The following CZIB variants were observed in gnomAD, a reference collection of about 807,000 sequenced individuals.
CZIB encodes CXXC motif containing zinc binding protein.
A neutral mutation model predicts 28.3 loss-of-function variants in CZIB; 26 were observed. That is an observed-to-expected ratio of 0.92 (90% CI 0.67 to 1.27). CZIB has a LOEUF of 1.27. Among genes scored for constraint, CZIB ranks in the 50% most tolerant of loss-of-function variants. The pLI is 0.00. For synonymous variants in CZIB, 78 were observed against 71.1 expected (o/e 1.10, Z -0.49); for missense variants, 179 against 197.3 (o/e 0.91, Z 0.56).
chr1:53,218,552 G>C, intron 3 of CZIB, 57 bp from the exon 4 acceptor site: 1 of 1,540,870 alleles, frequency 6.5e-7, no homozygotes, highest in Non-Finnish European at 8.9e-7. Context: ...ACAGTCCTGA[G>C]GAGATCGAGC....
chr1:53,219,920 A>G (rs1376039282), intron 2 of CZIB: 2 of 268,252 alleles, frequency 7.5e-6, no homozygotes, highest in African/African-American at 4.5e-5. Flanking sequence ...AAATTAAACT[A>G]TTTCACAATA....
In CZIB at chr1:53,220,327, G is replaced by A. The variant is rs757148501; in HGVS notation, c.24C>T (p.Leu8=). Residue 8 remains leucine (L), a synonymous_variant, in exon 2 of 8, where the codon CTC becomes CTT. Coordinates refer to ENST00000294360, the MANE Select transcript of CZIB (RefSeq NM_017887.3). MGKIALQ[L]KATLENITNL... is the part of the protein sequence containing the mutation. Reference sequence around the variant, plus strand: ...TGGTGATGTTCTCCAGCGTGGCTTTGAGTTGCAGCGCGATTTTCTGAGGGG... The same window carrying A: ...TGGTGATGTTCTCCAGCGTGGCTTTAAGTTGCAGCGCGATTTTCTGAGGGG... 6.2e-7 allele frequency: 1 copy of A among 1,613,232 alleles called. No homozygotes were observed. The highest frequency in any genetic ancestry group is 1.3e-5 in the African/African-American group (1 of 75,058).
intron 5 of CZIB, chr1:53,217,113 T>A: frequency 2.3e-6 from 1 of 432,312 alleles, no homozygotes; most frequent in South Asian, 3.1e-5. Context: ...TAAGGTAAGC[T>A]CTGCCTATCT....
intron 3 of CZIB, 45 bp from the exon 4 acceptor site, chr1:53,218,540 G>A (rs775112921): frequency 1.9e-6 from 3 of 1,580,738 alleles, no homozygotes; most frequent in Non-Finnish European, 8.7e-7. Context: ...TGAATTAGAT[G>A]TACAGTCCTG....
intron 6 of CZIB, 42 bp downstream of exon 6, chr1:53,216,740 C>T: frequency 1.3e-6 from 2 of 1,570,042 alleles, no homozygotes; most frequent in East Asian, 2.2e-5. Context: ...TCATACATCC[C>T]CTCCCCAAAG....
At chr1:53,218,545 G>C (rs1328232573) in intron 3 of CZIB, 50 bp from the exon 4 acceptor site, 1 of 1,562,256 alleles carries the variant, frequency 6.4e-7, no homozygotes, top group Non-Finnish European at 8.8e-7. Context: ...TAGATGTACA[G>C]TCCTGAGGAG....
rs1553170134 is a variant in CZIB, at chr1:53,214,365, C to CCAT, written c.*291_*293dup. 2.1e-5 allele frequency: 7 copies of CCAT among 340,236 alleles called. No homozygotes were observed. Among genetic ancestry groups the CCAT allele is most frequent in the Non-Finnish European group, 3.8e-5 (7 of 183,006 alleles). The allele number at this position is 340,236 out of a possible 1,614,324, so 21.1% of individuals were successfully genotyped here. On this transcript the variant is annotated 3_prime_UTR_variant, in exon 8 of 8. Transcript: ENST00000294360. Reference sequence around the variant, plus strand: ...AAACTTGCCCTTGACTGGGGAGATACCATCTCCTTAAAAATACTCTTCATT... The same window carrying CCAT: ...AAACTTGCCCTTGACTGGGGAGATACCATCATCTCCTTAAAAATACTCTTCATT...
chr1:53,220,130 TTC>T (rs560785820), intron 2 of CZIB, 129 bp downstream of exon 2: 51 of 788,380 alleles, frequency 6.5e-5, no homozygotes, highest in Non-Finnish European at 9.7e-5. Flanking sequence ...AAACGTAAAA[TTC>T]TAACTAGGAA....
At chr1:53,220,388 A>G (rs1335676527) in intron 1 of CZIB, 44 bp from the exon 2 acceptor site, 1 of 1,601,414 alleles carries the variant, frequency 6.2e-7, no homozygotes, top group African/African-American at 1.3e-5. Context: ...GTGCCTGCGC[A>G]GCCCCACGCC....
chr1:53,220,576 G>C lies in CZIB; in HGVS notation c.-1C>G. 6.3e-7 allele frequency: 1 copy of C among 1,598,376 alleles called. No individual in the cohort carries two copies. The highest frequency in any genetic ancestry group is 1.1e-5 in the South Asian group (1 of 90,920). On this transcript the variant is annotated 5_prime_UTR_variant, in exon 1 of 8. Coordinates refer to ENST00000294360, the MANE Select transcript of CZIB (RefSeq NM_017887.3). ...GCGGGCGGCCTCCCCTCACCCCCAT[G>C]GTAGCCCTCTCCGCCCGGTGCTGGC...
At chr1:53,217,191 A>C (rs1479718407) in intron 5 of CZIB, 1 of 261,258 alleles carries the variant, frequency 3.8e-6, no homozygotes, top group Non-Finnish European at 7.5e-6. Context: ...TTTTACTGTC[A>C]GATTTTGAAA....
Position 53,220,165 on chromosome 1 carries a change from T to C in CZIB, c.90+96A>G. The C allele has an allele frequency of 2.8e-6, 3 of 1,085,534 alleles. No individual in the cohort carries two copies. In the South Asian group the frequency reaches 4.4e-5, roughly 16 times the overall value. The allele number at this position is 1,085,534 out of a possible 1,614,324, so 67.2% of individuals were successfully genotyped here. A position where few individuals can be genotyped will look rare whatever the true frequency, so the allele number is the denominator to read the frequency against. ...GAAAACCCCGAACACTTAATGTGCC[T>C]GGTTAAATATTTTCTCATACTGCCG... On this transcript the variant is annotated intron_variant, in intron 2 of 7. Coordinates refer to ENST00000294360, the MANE Select transcript of CZIB (RefSeq NM_017887.3).
chr1:53,220,583 C>T lies in CZIB; in HGVS notation c.-8G>A, dbSNP rs771381380. 5.0e-5 allele frequency: 80 copies of T among 1,597,850 alleles called. No individual in the cohort carries two copies. The highest frequency in any genetic ancestry group is 6.5e-5 in the Non-Finnish European group (77 of 1,179,220). On this transcript the variant is annotated 5_prime_UTR_variant, in exon 1 of 8. Transcript: ENST00000294360. ...GCCTCCCCTCACCCCCATGGTAGCC[C>T]TCTCCGCCCGGTGCTGGCTGCGGCC...
chr1:53,218,533 A>G, intron 3 of CZIB, 38 bp from the exon 4 acceptor site: 3 of 1,596,610 alleles, frequency 1.9e-6, no homozygotes, highest in Non-Finnish European at 2.6e-6. Flanking sequence ...TCACATATGA[A>G]TTAGATGTAC....
In CZIB at chr1:53,218,487, C is replaced by A; in HGVS notation, c.156G>T (p.Val52=). ...CACTGCCACGGCCCCCCTTCAGTGC[C>A]ACACTGTCCTGGCAAAAAGCAAACA... The part of the protein sequence containing the change: ...KWQYIRLMDS[V]ALKGGRGSAS... The change falls in exon 4 of 8, where the codon GTG becomes GTT. Residue 52 remains valine (V), a synonymous_variant. Coordinates refer to ENST00000294360, the MANE Select transcript of CZIB (RefSeq NM_017887.3). 1 of 1,614,138 alleles carries A rather than the reference C, an allele frequency of 6.2e-7. No individual in the cohort carries two copies. Among genetic ancestry groups the A allele is most frequent in the Non-Finnish European group, 8.5e-7 (1 of 1,180,006 alleles).
At position 53,220,554 on chromosome 1, in the gene CZIB, G is replaced by C. The variant is rs1353903508; in HGVS notation, c.6+16C>G. 2 of 1,599,460 alleles carry C rather than the reference G, an allele frequency of 1.3e-6. No individual in the cohort carries two copies. Among genetic ancestry groups the C allele is most frequent in the Admixed American group, 1.7e-5 (1 of 59,956 alleles). The stretch of plus-strand genomic sequence containing the variant: ...ACCTCCCCTCCGTGTCCCCGCGGCG[G>C]GCGGCCTCCCCTCACCCCCATGGTA... On this transcript the variant is annotated intron_variant, in intron 1 of 7. Coordinates refer to ENST00000294360, the MANE Select transcript of CZIB (RefSeq NM_017887.3).
Position 53,218,445 on chromosome 1 carries a change from C to T in CZIB, c.198G>A (p.Lys66=), listed in dbSNP as rs1195984172. The change falls in exon 4 of 8, where the codon AAG becomes AAA. Residue 66 remains lysine (K), a synonymous_variant. Coordinates refer to ENST00000294360, the MANE Select transcript of CZIB (RefSeq NM_017887.3). ...AATTTTCTCTTGCACACAGCTTGCA[C>T]TTCTGGACCATGGAAGCACTGCCAC... is the stretch of plus-strand genomic sequence containing the variant. ...GGRGSASMVQ[K]CKLCARENSI... 6.2e-7 allele frequency: 1 copy of T among 1,614,094 alleles called. No individual in the cohort carries two copies. The highest frequency in any genetic ancestry group is 1.3e-5 in the African/African-American group (1 of 74,928).
intron 1 of CZIB, 101 bp from the exon 2 acceptor site, chr1:53,220,445 C>G: frequency 6.4e-7 from 1 of 1,567,488 alleles, no homozygotes; most frequent in African/African-American, 1.3e-5. Context: ...CAGGGAGACA[C>G]TCCTTCTGCC....
rs760485492 is a variant in CZIB at position 53,220,558 on chromosome 1, G to A, written c.6+12C>T. 5.0e-6 allele frequency: 8 copies of A among 1,599,084 alleles called. No individual in the cohort carries two copies. The highest frequency in any genetic ancestry group is 3.6e-4 in the Middle Eastern group (2 of 5,570). Reference sequence around the variant, plus strand: ...CCCCTCCGTGTCCCCGCGGCGGGCGGCCTCCCCTCACCCCCATGGTAGCCC... The same window carrying A: ...CCCCTCCGTGTCCCCGCGGCGGGCGACCTCCCCTCACCCCCATGGTAGCCC... On this transcript the variant is annotated intron_variant, in intron 1 of 7. Transcript: ENST00000294360.
Sources: allele counts gnomAD v4.1 joint callset, GRCh38; gene constraint gnomAD v4.1.1; transcripts MANE v1.5; gene names NCBI Gene and HGNC (gene_info 2026-07-23, HGNC 2026-07-21).